PPA2: variants seen among roughly 807,000 people sequenced by gnomAD.
PPA2 encodes inorganic pyrophosphatase 2, mitochondrial.
Under a neutral mutation model 49.5 loss-of-function variants are expected in PPA2, and 48 were observed. That is an observed-to-expected ratio of 0.97 (90% CI 0.77 to 1.23). PPA2 has a LOEUF of 1.23. PPA2 is among the 50% of genes most tolerant of loss of function. The pLI, the probability that PPA2 is intolerant of heterozygous loss-of-function variation, is 0.00. For missense variants in PPA2, 429 were observed against 410.1 expected, an observed-to-expected ratio of 1.05 and a Z score of -0.40; for synonymous variants, 131 against 139.9, an observed-to-expected ratio of 0.94 and a Z score of 0.45.
At chr4:105,440,442 T>C (rs973700051) in intron 5 of PPA2, among the ~76,000 whole-genome samples, 6 of 152,038 alleles carry the variant, frequency 3.9e-5, no homozygotes, top group Non-Finnish European at 8.8e-5. Context: ...TTTGTATTTT[T>C]AGTATAGACG....
chr4:105,438,921 T>G, intron 5 of PPA2, among the ~76,000 whole-genome samples: 1 of 152,244 alleles, frequency 6.6e-6, no homozygotes, highest in East Asian at 1.9e-4. Flanking sequence ...ACAAACAAAC[T>G]TATTTACAGC....
At chr4:105,434,061 C>T (rs1248997071) in intron 6 of PPA2, among the ~76,000 whole-genome samples, 1 of 152,078 alleles carries the variant, frequency 6.6e-6, no homozygotes, top group Non-Finnish European at 1.5e-5. Context: ...CTCTTGGGTT[C>T]AGGAGATCCT....
At position 105,419,251 on chromosome 4, in the gene PPA2, C is replaced by T. The variant is rs575157534; in HGVS notation, c.655+4945G>A. Among the ~76,000 whole-genome samples, 128 of 152,210 alleles carry T rather than the reference C, an allele frequency of 8.4e-4. 1 individual carries two copies. Among genetic ancestry groups the T allele is most frequent in the Admixed American group, 2.6e-3 (39 of 15,290 alleles). ...ATACATGTGCCATGTTGGTGTGCTG[C>T]GCCCATTAACTCGTCATTTAACGTT... On this transcript the variant is annotated intron_variant, in intron 7 of 11. Transcript: ENST00000341695.
intron 6 of PPA2, among the ~76,000 whole-genome samples, chr4:105,430,789 T>C (rs536680412): frequency 6.6e-5 from 10 of 152,158 alleles, no homozygotes; most frequent in Non-Finnish European, 1.3e-4. Context: ...AAACAAATAG[T>C]GTACAAGGAG....
chr4:105,467,148 G>C (rs1233356320), intron 1 of PPA2, among the ~76,000 whole-genome samples: 1 of 152,190 alleles, frequency 6.6e-6, no homozygotes, highest in Non-Finnish European at 1.5e-5. Flanking sequence ...GTTGAGGGAG[G>C]GGAGCCCTCT....
At chr4:105,405,734 T>A (rs1722440883) in intron 7 of PPA2, 1 of 745,894 alleles carries the variant, frequency 1.3e-6, no homozygotes, top group Middle Eastern at 2.9e-4. Flanking sequence ...AGATACCTTA[T>A]AAACAGATTA....
intron 5 of PPA2, among the ~76,000 whole-genome samples, chr4:105,439,967 G>C (rs955212136): frequency 6.6e-6 from 1 of 151,476 alleles, no homozygotes; most frequent in African/African-American, 2.4e-5. Context: ...AGTTTGCTGA[G>C]AATGATAATC....
intron 9 of PPA2, among the ~76,000 whole-genome samples, chr4:105,392,502 G>C (rs185799047): frequency 3.0e-4 from 45 of 151,972 alleles, no homozygotes; most frequent in African/African-American, 8.0e-4. Context: ...GTGAAACCTC[G>C]TCTCTACTAA....
chr4:105,420,240 G>C (rs1723193500), intron 7 of PPA2, among the ~76,000 whole-genome samples: 1 of 152,072 alleles, frequency 6.6e-6, no homozygotes, highest in Non-Finnish European at 1.5e-5. Flanking sequence ...TTTTTCTAAA[G>C]ATAGTAGAAA....
intron 4 of PPA2, among the ~76,000 whole-genome samples, chr4:105,447,375 C>T (rs1722435620): frequency 6.6e-6 from 1 of 152,072 alleles, no homozygotes; most frequent in Non-Finnish European, 1.5e-5. Flanking sequence ...ATTATAGTTA[C>T]AGAGGCTAAG....
intron 2 of PPA2, chr4:105,455,977 A>T (rs1722860939): frequency 4.4e-6 from 1 of 225,568 alleles, no homozygotes; most frequent in African/African-American, 2.3e-5. Context: ...CAACTTAATG[A>T]TGATCATGAA....
intron 9 of PPA2, among the ~76,000 whole-genome samples, chr4:105,391,567 T>C (rs950982621): frequency 1.3e-5 from 2 of 151,650 alleles, no homozygotes; most frequent in Non-Finnish European, 1.5e-5. Flanking sequence ...CAGTTCTACA[T>C]AGAGGTATGT....
chr4:105,457,150 T>C (rs1293402778), intron 1 of PPA2, among the ~76,000 whole-genome samples: 1 of 152,226 alleles, frequency 6.6e-6, no homozygotes, highest in African/African-American at 2.4e-5. Context: ...TCCCAATTTC[T>C]ACCTACTATC....
intron 1 of PPA2, among the ~76,000 whole-genome samples, chr4:105,468,925 T>C (rs1185504639): frequency 6.6e-6 from 1 of 152,218 alleles, no homozygotes; most frequent in African/African-American, 2.4e-5. Flanking sequence ...ACAACCTCTC[T>C]GAGGTTCTGC....
At chr4:105,440,992 CAA>C (rs902529987) in intron 5 of PPA2, among the ~76,000 whole-genome samples, 4 of 152,092 alleles carry the variant, frequency 2.6e-5, no homozygotes, top group Non-Finnish European at 5.9e-5. Flanking sequence ...GTTTTTACTA[CAA>C]AAAGACACAC....
intron 7 of PPA2, among the ~76,000 whole-genome samples, chr4:105,420,116 G>A (rs1271593663): frequency 6.6e-6 from 1 of 152,076 alleles, no homozygotes; most frequent in Non-Finnish European, 1.5e-5. Context: ...GGGATTACAG[G>A]CATGTGCCAC....
At chr4:105,412,866 T>C (rs924413264) in intron 7 of PPA2, among the ~76,000 whole-genome samples, 10 of 152,186 alleles carry the variant, frequency 6.6e-5, no homozygotes, top group African/African-American at 2.4e-4. Context: ...GAAACAGGAA[T>C]GCTTTTACAC....
At chr4:105,408,511 G>C (rs1722592878) in intron 7 of PPA2, among the ~76,000 whole-genome samples, 1 of 152,176 alleles carries the variant, frequency 6.6e-6, no homozygotes, top group Non-Finnish European at 1.5e-5. Flanking sequence ...CAATGGAAAA[G>C]CAAGATATGA....
At chr4:105,369,969 T>C (rs1390672758) in intron 11 of PPA2, among the ~76,000 whole-genome samples, 1 of 152,246 alleles carries the variant, frequency 6.6e-6, no homozygotes, top group African/African-American at 2.4e-5. Flanking sequence ...TAAAGCTACA[T>C]TAAAAATTCT....
Sources: gnomAD v4.1 joint callset for allele counts (sites outside exome capture counted in the v4.1 genomes callset) on GRCh38, gnomAD v4.1.1 for gene constraint, MANE v1.5 for transcripts, NCBI Gene and HGNC (gene_info 2026-07-23, HGNC 2026-07-21) for gene names.